Variants in DLC1 observed in about 807,000 individuals in gnomAD.
The protein encoded by DLC1 is DLC1 Rho GTPase activating protein, also known as rho GTPase-activating protein 7.
A neutral mutation model predicts 140.3 loss-of-function variants in DLC1; 54 were observed. The ratio of observed to expected loss-of-function variants is 0.38; its 90% CI spans 0.31 to 0.48. The LOEUF (loss-of-function observed/expected upper bound fraction) is 0.48. Ranked by LOEUF, DLC1 falls within the 20% of genes least tolerant of loss-of-function variation. The pLI is 0.96. For missense variants in DLC1, 2,536 were observed against 1,907.0 expected (o/e 1.33, Z -6.14); for synonymous variants, 986 against 728.1 (o/e 1.35, Z -5.70).
chr8:13,381,529 A>G (rs1299777327), intron 4 of DLC1, among the ~76,000 whole-genome samples: 1 of 152,216 alleles, frequency 6.6e-6, no homozygotes, highest in African/African-American at 2.4e-5. Flanking sequence ...TAGGTCATAA[A>G]AGGCGTGGCA....
intron 2 of DLC1, among the ~76,000 whole-genome samples, chr8:13,486,638 G>T (rs994052427): frequency 6.6e-6 from 1 of 152,030 alleles, no homozygotes; most frequent in African/African-American, 2.4e-5. Flanking sequence ...AAATGCAAGG[G>T]TATTTAGTTT....
intron 1 of DLC1, among the ~76,000 whole-genome samples, chr8:13,529,038 CA>C (rs1803009835): frequency 6.6e-6 from 1 of 152,096 alleles, no homozygotes; most frequent in Non-Finnish European, 1.5e-5. Context: ...AGGGAAGTAA[CA>C]ACAGTGACAT....
chr8:13,420,029 A>G (rs538734864), intron 2 of DLC1, among the ~76,000 whole-genome samples: 1 of 152,194 alleles, frequency 6.6e-6, no homozygotes, highest in African/African-American at 2.4e-5. Context: ...CTCTGATGGT[A>G]GTTTGTATTT....
chr8:13,444,544 T>C (rs970524693), intron 2 of DLC1, among the ~76,000 whole-genome samples: 3 of 152,206 alleles, frequency 2.0e-5, no homozygotes, highest in African/African-American at 7.2e-5. Flanking sequence ...AGGTGCATTC[T>C]ACACTACGAA....
chr8:13,602,477 A>G (rs1369272360), intron 1 of DLC1, among the ~76,000 whole-genome samples: 2 of 151,856 alleles, frequency 1.3e-5, no homozygotes, highest in African/African-American at 4.8e-5. Context: ...TGTATACAAT[A>G]TCGATTTGTA....
Position 13,099,679 on chromosome 8 carries a change from G to A in DLC1, c.2658C>T (p.Ile886=). The part of the protein sequence containing the change: ...LSIYDNVPGS[I]LYSSSGDLAD... ...CCAGGTCCCCTGAACTGGAGTAGAG[G>A]ATGGAGCCCGGCACGTTGTCGTAGA... is the stretch of plus-strand genomic sequence containing the variant. Residue 886 remains isoleucine, a synonymous_variant, in exon 9 of 18, where the codon ATC becomes ATT. Transcript: ENST00000276297. The A allele has an allele frequency of 1.9e-6, 3 of 1,614,204 alleles. No homozygotes were observed. The highest frequency in any genetic ancestry group is 2.5e-6 in the Non-Finnish European group (3 of 1,180,036).
At chr8:13,495,953 C>T (rs1372241409) in intron 2 of DLC1, among the ~76,000 whole-genome samples, 1 of 152,148 alleles carries the variant, frequency 6.6e-6, no homozygotes, top group African/African-American at 2.4e-5. Context: ...TTGATTCAAT[C>T]ACATGATTAT....
At chr8:13,192,202 C>G (rs909330865) in intron 5 of DLC1, among the ~76,000 whole-genome samples, 3 of 151,998 alleles carry the variant, frequency 2.0e-5, no homozygotes, top group African/African-American at 4.8e-5. Flanking sequence ...CTGCCGGCCT[C>G]GGCCTCCTAA....
chr8:13,405,426 T>C (rs978820872), intron 2 of DLC1, among the ~76,000 whole-genome samples: 2 of 152,242 alleles, frequency 1.3e-5, no homozygotes, highest in African/African-American at 4.8e-5. Context: ...GTTACTGATA[T>C]GTCATTTGGA....
At chr8:13,255,264 C>G (rs1386797159) in intron 5 of DLC1, among the ~76,000 whole-genome samples, 1 of 152,140 alleles carries the variant, frequency 6.6e-6, no homozygotes, top group Non-Finnish European at 1.5e-5. Context: ...AGCCACTGAG[C>G]CATGCCTAAG....
chr8:13,188,597 C>CTAT (rs1826527133), intron 5 of DLC1, among the ~76,000 whole-genome samples: 1 of 139,060 alleles, frequency 7.2e-6, no homozygotes, highest in East Asian at 2.0e-4. Flanking sequence ...TATACAATGT[C>CTAT]TATTACTTTT....
At chr8:13,417,041 A>T (rs544482205) in intron 2 of DLC1, among the ~76,000 whole-genome samples, 110 of 152,264 alleles carry the variant, frequency 7.2e-4, no homozygotes, top group Admixed American at 1.4e-3. Flanking sequence ...CAGTCGGGCT[A>T]GTTAAAATGA....
chr8:13,417,113 T>G (rs939871856), intron 2 of DLC1, among the ~76,000 whole-genome samples: 6 of 152,110 alleles, frequency 3.9e-5, no homozygotes, highest in Admixed American at 6.6e-5. Flanking sequence ...TTTAAATAGA[T>G]CAAGCTGTAC....
chr8:13,259,752 C>G (rs1043313847), intron 5 of DLC1, among the ~76,000 whole-genome samples: 4 of 151,148 alleles, frequency 2.6e-5, no homozygotes, highest in African/African-American at 7.3e-5. Context: ...ACACTGGTAG[C>G]TATGAGGGTG....
At chr8:13,299,663 A>G (rs896114777) in intron 5 of DLC1, among the ~76,000 whole-genome samples, 1 of 152,144 alleles carries the variant, frequency 6.6e-6, no homozygotes, top group Non-Finnish European at 1.5e-5. Context: ...TAGAAAAAAT[A>G]GAAAATATCA....
intron 5 of DLC1, among the ~76,000 whole-genome samples, chr8:13,298,280 C>T (rs73560592): frequency 0.093 from 14,169 of 152,224 alleles, 729 homozygotes; most frequent in African/African-American, 0.11. Context: ...AAGTCATCTT[C>T]TTCAATGGCC....
At chr8:13,433,849 T>TTGTGG (rs1369143173) in intron 2 of DLC1, among the ~76,000 whole-genome samples, 1 of 152,110 alleles carries the variant, frequency 6.6e-6, no homozygotes. Context: ...TGTTTGTTTG[T>TTGTGG]TTTGGTTTGG....
intron 1 of DLC1, among the ~76,000 whole-genome samples, chr8:13,566,161 TA>T (rs1195491080): frequency 1.2e-4 from 18 of 151,336 alleles, no homozygotes; most frequent in Admixed American, 7.9e-4. Flanking sequence ...GGACACTATT[TA>T]AAAAAAAATG....
chr8:13,412,421 G>T (rs1837820433), intron 2 of DLC1, among the ~76,000 whole-genome samples: 1 of 152,008 alleles, frequency 6.6e-6, no homozygotes, highest in Admixed American at 6.6e-5. Flanking sequence ...AAAATTACTT[G>T]CACGCATGCA....
Sources: allele counts gnomAD v4.1 joint callset (sites outside exome capture counted in the v4.1 genomes callset), GRCh38; gene constraint gnomAD v4.1.1; transcripts MANE v1.5; gene names NCBI Gene and HGNC (gene_info 2026-07-23, HGNC 2026-07-21).